The following LUZP1 variants were observed in gnomAD, a reference collection of about 807,000 sequenced individuals.
The protein encoded by LUZP1 is filamin mechanobinding actin cross-linking protein.
A neutral mutation model predicts 71.3 loss-of-function variants in LUZP1; 25 were observed. That is an observed-to-expected ratio of 0.35 (90% CI 0.26 to 0.49). The LOEUF (loss-of-function observed/expected upper bound fraction) is 0.49. Among genes scored for constraint, LUZP1 ranks in the 20% least tolerant of loss-of-function variants. The pLI, the probability that LUZP1 is intolerant of heterozygous loss-of-function variation, is 0.99. For missense variants in LUZP1, 1,142 were observed against 1,300.8 expected (o/e 0.88, Z 1.88); for synonymous variants, 481 against 506.4 (o/e 0.95, Z 0.67).
chr1:23,088,769 C>A (rs1389970254), exon 5 of LUZP1: 1 of 1,364,416 alleles, frequency 7.3e-7, no homozygotes, highest in Non-Finnish European at 9.9e-7. Flanking sequence ...CAGCCCGGCT[C>A]TACCACAGTT....
At chr1:23,096,185 A>T (rs1643891078) in intron 3 of LUZP1, among the ~76,000 whole-genome samples, 1 of 152,104 alleles carries the variant, frequency 6.6e-6, no homozygotes, top group Non-Finnish European at 1.5e-5. Context: ...AGATCAGAAG[A>T]TCTGAAAGTT....
chr1:23,105,284 G>A (rs765803), intron 3 of LUZP1, among the ~76,000 whole-genome samples: 8 of 152,144 alleles, frequency 5.3e-5, no homozygotes, highest in Admixed American at 5.2e-4. Flanking sequence ...TTGCATGAAC[G>A]AATCTGATAG....
intron 2 of LUZP1, among the ~76,000 whole-genome samples, chr1:23,159,654 C>T (rs1644448914): frequency 6.6e-6 from 1 of 152,152 alleles, no homozygotes; most frequent in Non-Finnish European, 1.5e-5. Flanking sequence ...ATGAAAAATG[C>T]TTAGGATAGT....
chr1:23,130,293 T>C (rs746234941), intron 2 of LUZP1, among the ~76,000 whole-genome samples: 17 of 152,220 alleles, frequency 1.1e-4, no homozygotes, highest in Non-Finnish European at 2.1e-4. Flanking sequence ...CTATGATAGA[T>C]GTACTGTTCT....
chr1:23,128,758 C>A (rs993619392), intron 2 of LUZP1, among the ~76,000 whole-genome samples: 1 of 152,182 alleles, frequency 6.6e-6, no homozygotes, highest in Non-Finnish European at 1.5e-5. Flanking sequence ...AGGATTATAA[C>A]CCTGGCCTCA....
chr1:23,155,960 CGTTACCAG>C (rs1644417950), intron 2 of LUZP1, among the ~76,000 whole-genome samples: 1 of 152,178 alleles, frequency 6.6e-6, no homozygotes, highest in Admixed American at 6.5e-5. Flanking sequence ...CAACAGTTAA[CGTTACCAG>C]TTAACTTGAA....
exon 5 of LUZP1, chr1:23,085,318 G>A (rs1163895461): frequency 6.6e-6 from 1 of 152,574 alleles, no homozygotes; most frequent in Non-Finnish European, 1.5e-5. Context: ...CAAAAAAATA[G>A]ACTTTATTCT....
chr1:23,142,539 T>G (rs1644311306), intron 2 of LUZP1, among the ~76,000 whole-genome samples: 1 of 152,016 alleles, frequency 6.6e-6, no homozygotes, highest in Admixed American at 6.6e-5. Context: ...ATATGTGGCC[T>G]CGGGATAATC....
chr1:23,151,917 G>C (rs550231822), intron 2 of LUZP1, among the ~76,000 whole-genome samples: 1 of 151,050 alleles, frequency 6.6e-6, no homozygotes, highest in Non-Finnish European at 1.5e-5. Context: ...CAGGAGAATC[G>C]CTTGAACCCA....
At chr1:23,119,216 T>C (rs976967938) in intron 2 of LUZP1, among the ~76,000 whole-genome samples, 3 of 149,278 alleles carry the variant, frequency 2.0e-5, no homozygotes, top group African/African-American at 4.9e-5. Context: ...AAATAAACAG[T>C]CAACATTTTT....
chr1:23,128,802 A>G (rs1401619449), intron 2 of LUZP1, among the ~76,000 whole-genome samples: 2 of 152,214 alleles, frequency 1.3e-5, no homozygotes, highest in Admixed American at 6.5e-5. Flanking sequence ...CTATAACTAG[A>G]TAATAATTCC....
intron 3 of LUZP1, among the ~76,000 whole-genome samples, chr1:23,101,471 C>G (rs376389983): frequency 0.04 from 6,133 of 152,146 alleles, 410 homozygotes; most frequent in African/African-American, 0.14. Flanking sequence ...TACTGTTTGG[C>G]CAAGTCACTG....
intron 2 of LUZP1, chr1:23,140,781 T>C (rs1440295078): frequency 6.6e-6 from 1 of 152,460 alleles, no homozygotes; most frequent in Admixed American, 6.5e-5. Flanking sequence ...CAGTGTCTGC[T>C]GCTGGCAACA....
chr1:23,146,760 G>C (rs1644346159), intron 2 of LUZP1, among the ~76,000 whole-genome samples: 1 of 152,008 alleles, frequency 6.6e-6, no homozygotes, highest in Non-Finnish European at 1.5e-5. Context: ...TCACACCACT[G>C]TACTCCAGCC....
chr1:23,139,045 T>C lies in LUZP1; in HGVS notation c.-226+29721A>G, dbSNP rs528340408. Among the ~76,000 whole-genome samples the C allele has an allele frequency of 5.5e-3, 654 of 119,686 alleles. 5 individuals carry two copies. The highest frequency in any genetic ancestry group is 0.013 in the African/African-American group (392 of 30,898). 78.5% of individuals were successfully genotyped at this position (119,686 alleles called of 152,430 possible). A position where few individuals can be genotyped will look rare whatever the true frequency, so the allele number is the denominator to read the frequency against. ...ATATATATATATATATATATATATA[T>C]ACACACATCATATGTATATTTTGTA... On this transcript the variant is annotated intron_variant, in intron 2 of 4. Coordinates refer to ENST00000302291, the Ensembl canonical transcript of LUZP1.
exon 5 of LUZP1, chr1:23,087,547 G>C (rs1174063439): frequency 6.6e-6 from 1 of 152,584 alleles, no homozygotes; most frequent in Non-Finnish European, 1.5e-5. Context: ...TTACCAGACT[G>C]GTAGTTTAAT....
At chr1:23,110,201 GC>G (rs1553137189) in intron 2 of LUZP1, among the ~76,000 whole-genome samples, 1 of 152,100 alleles carries the variant, frequency 6.6e-6, no homozygotes, top group Non-Finnish European at 1.5e-5. Flanking sequence ...CCTCAAAAGA[GC>G]CCTGAACCAC....
In LUZP1 at chr1:23,173,842, T is replaced by G. The variant is rs535195059; in HGVS notation, c.-485+3649A>C. Among the ~76,000 whole-genome samples the G allele has an allele frequency of 2.0e-5, 3 of 152,256 alleles. No individual in the cohort carries two copies. In the South Asian group the frequency reaches 6.2e-4, roughly 32 times the overall value. ...CTTCGTGGGGTTCCAAGAAAGCCCA[T>G]GCCGAGATGATTTTCACTTTCTCCC... On this transcript the variant is annotated intron_variant, in intron 1 of 4. Transcript: ENST00000302291.
chr1:23,088,280 G>GT (rs1643798545), exon 5 of LUZP1: 1 of 152,704 alleles, frequency 6.5e-6, no homozygotes, highest in Admixed American at 6.5e-5. Flanking sequence ...CAGGAGACTG[G>GT]TAAGCCAGGA....
Sources: gnomAD v4.1 joint callset for allele counts (sites outside exome capture counted in the v4.1 genomes callset) on GRCh38, gnomAD v4.1.1 for gene constraint, MANE v1.5 for transcripts, NCBI Gene and HGNC (gene_info 2026-07-23, HGNC 2026-07-21) for gene names.